Variants in PDE3A observed in about 807,000 individuals in gnomAD.
PDE3A encodes the protein phosphodiesterase 3A.
In PDE3A, 43 loss-of-function variants were observed where a neutral mutation model predicts 98.3. That is an observed-to-expected ratio of 0.44 (90% confidence interval 0.34 to 0.56). The LOEUF (loss-of-function observed/expected upper bound fraction) is 0.56, where lower values mean the gene tolerates loss of function less well. PDE3A is among the 20% of genes least tolerant of loss of function. The probability of loss-of-function intolerance (pLI) is 0.01; values close to 1 mark genes in which losing one functional copy is unlikely to be tolerated. For synonymous variants in PDE3A, 663 were observed against 567.9 expected, an observed-to-expected ratio of 1.17 and a Z score of -2.38; for missense variants, 1,427 against 1,440.7, an observed-to-expected ratio of 0.99 and a Z score of 0.15.
At chr12:20,427,988 G>A (rs1442500901) in intron 1 of PDE3A, among the ~76,000 whole-genome samples, 4 of 151,970 alleles carry the variant, frequency 2.6e-5, no homozygotes, top group South Asian at 2.1e-4. Flanking sequence ...GGCGGATCAC[G>A]AGGTCAGGAG....
At chr12:20,570,952 G>A (rs947586479) in intron 2 of PDE3A, among the ~76,000 whole-genome samples, 10 of 152,230 alleles carry the variant, frequency 6.6e-5, no homozygotes, top group Middle Eastern at 3.4e-3. Context: ...CTTATTAGAC[G>A]TTCTGATGGA....
rs1241873510 is a variant in PDE3A, at chr12:20,475,169, ATGTGTGTGAGTGTG to A, written c.961-81482_961-81469del. Among the ~76,000 whole-genome samples the A allele has an allele frequency of 9.0e-4, 87 of 96,512 alleles. 1 individual carries two copies. Among genetic ancestry groups the A allele is most frequent in the African/African-American group, 2.9e-3 (76 of 26,524 alleles). 63.3% of individuals were successfully genotyped at this position (96,512 alleles called of 152,430 possible). A position where few individuals can be genotyped will look rare whatever the true frequency, so the allele number is the denominator to read the frequency against. On this transcript the variant is annotated intron_variant, in intron 1 of 15. Coordinates refer to ENST00000359062, the MANE Select transcript of PDE3A (RefSeq NM_000921.5). ...TATACCAAATGTAGGAGAGGAAAAA[ATGTGTGTGAGTGTG>A]TGTGTGTGTGTGTGTGTGTGTGTGT...
At chr12:20,586,186 C>G (rs1943192801) in intron 2 of PDE3A, among the ~76,000 whole-genome samples, 1 of 152,104 alleles carries the variant, frequency 6.6e-6, no homozygotes, top group African/African-American at 2.4e-5. Context: ...AAGAAGAAAC[C>G]ACAAAGATTT....
chr12:20,423,925 G>T (rs1210817980), intron 1 of PDE3A, among the ~76,000 whole-genome samples: 1 of 152,172 alleles, frequency 6.6e-6, no homozygotes, highest in Non-Finnish European at 1.5e-5. Context: ...AGAAAGAGCA[G>T]ATAGTGCCTA....
chr12:20,569,726 C>T (rs1249078805), intron 2 of PDE3A, among the ~76,000 whole-genome samples: 2 of 152,064 alleles, frequency 1.3e-5, no homozygotes, highest in Non-Finnish European at 2.9e-5. Flanking sequence ...TAAAATTTTG[C>T]ACTTAAGTTT....
intron 14 of PDE3A, 135 bp downstream of exon 14, chr12:20,650,735 A>G (rs1185077032): frequency 4.3e-6 from 2 of 468,506 alleles, no homozygotes; most frequent in African/African-American, 3.9e-5. Flanking sequence ...GCACTGGTCA[A>G]TTTTGATCAG....
chr12:20,507,677 C>T (rs1301070194), intron 1 of PDE3A, among the ~76,000 whole-genome samples: 3 of 152,092 alleles, frequency 2.0e-5, no homozygotes, highest in African/African-American at 4.8e-5. Flanking sequence ...TCCAACCTTC[C>T]GCTTACTCTG....
chr12:20,369,105 G>A lies in PDE3A; in HGVS notation c.-180G>A. ...TTGGAGCATCTAGCATTCTCCAGGA[G>A]TTATTCGAAAGCTGAAACTTTCAGT... On this transcript the variant is annotated 5_prime_UTR_variant, in exon 1 of 16. Transcript: ENST00000359062. 1.8e-6 allele frequency: 1 copy of A among 555,130 alleles called. No individual in the cohort carries two copies. Among genetic ancestry groups the A allele is most frequent in the Non-Finnish European group, 3.2e-6 (1 of 314,530 alleles). The allele number at this position is 555,130 out of a possible 1,614,324, so 34.4% of individuals were successfully genotyped here. A position where few individuals can be genotyped will look rare whatever the true frequency, so the allele number is the denominator to read the frequency against.
At chr12:20,629,557 A>G (rs1275861504) in intron 5 of PDE3A, among the ~76,000 whole-genome samples, 1 of 152,220 alleles carries the variant, frequency 6.6e-6, no homozygotes, top group Non-Finnish European at 1.5e-5. Flanking sequence ...AAGTAAACAC[A>G]TGAGAAAATT....
At chr12:20,410,933 A>T (rs1348856492) in intron 1 of PDE3A, among the ~76,000 whole-genome samples, 1 of 152,182 alleles carries the variant, frequency 6.6e-6, no homozygotes, top group African/African-American at 2.4e-5. Context: ...GAAACCTATG[A>T]AACATTTCCA....
rs1163596439 is a variant in PDE3A, at chr12:20,687,871, T to G, written c.*7600T>G. On this transcript the variant is annotated 3_prime_UTR_variant, in exon 16 of 16. Coordinates refer to ENST00000359062, the MANE Select transcript of PDE3A (RefSeq NM_000921.5). ...TTTGGTATTAAAATGTGCTCTGATTTCTGCGGGCATTTGTTCTGACCAGTC... is the reference window on the plus strand; with the variant it reads ...TTTGGTATTAAAATGTGCTCTGATTGCTGCGGGCATTTGTTCTGACCAGTC... Among the ~76,000 whole-genome samples the G allele has an allele frequency of 2.1e-5, 3 of 143,500 alleles. No homozygotes were observed. Among genetic ancestry groups the G allele is most frequent in the African/African-American group, 5.1e-5 (2 of 39,002 alleles). 94.1% of individuals were successfully genotyped at this position (143,500 alleles called of 152,430 possible). A position where few individuals can be genotyped will look rare whatever the true frequency, so the allele number is the denominator to read the frequency against.
rs533311220 is a variant in PDE3A, at chr12:20,462,972, G to C, written c.960+92728G>C. Among the ~76,000 whole-genome samples the C allele has an allele frequency of 7.9e-5, 12 of 152,040 alleles. No individual in the cohort carries two copies. In the East Asian group the frequency reaches 2.3e-3, roughly 30 times the overall value. The stretch of plus-strand genomic sequence containing the variant: ...TTTTTTGTAGAGATAGGGTCTCCCT[G>C]TGTTGCCTAGGCTGGTCTCAAACTC... On this transcript the variant is annotated intron_variant, in intron 1 of 15. Transcript: ENST00000359062.
chr12:20,673,631 A>G (rs1448780868), intron 15 of PDE3A, among the ~76,000 whole-genome samples: 1 of 149,382 alleles, frequency 6.7e-6, no homozygotes, highest in African/African-American at 2.5e-5. Flanking sequence ...ATTCTCACTC[A>G]TAGGTGGGAA....
chr12:20,401,142 A>T (rs79051040), intron 1 of PDE3A, among the ~76,000 whole-genome samples: 6,834 of 151,974 alleles, frequency 0.045, 212 homozygotes, highest in Non-Finnish European at 0.063. Context: ...TCCGTTTTCT[A>T]CTCTCACTGT....
At chr12:20,425,942 T>C (rs890432397) in intron 1 of PDE3A, among the ~76,000 whole-genome samples, 1 of 152,204 alleles carries the variant, frequency 6.6e-6, no homozygotes, top group Non-Finnish European at 1.5e-5. Context: ...ATTTGTTAAA[T>C]GTGTATGACA....
rs779657717 is a variant in PDE3A, at chr12:20,369,803, C to A, written c.519C>A (p.Leu173=). The A allele has an allele frequency of 1.2e-6, 2 of 1,612,474 alleles. No individual in the cohort carries two copies. The highest frequency in any genetic ancestry group is 1.1e-5 in the South Asian group (1 of 90,976). The change falls in exon 1 of 16, where the codon CTC becomes CTA. Residue 173 remains leucine (L), a synonymous_variant. Transcript: ENST00000359062. ...CCGCCTGCTGCGGGGGGGAAGCGCT[C>A]GTCCAGATTGGGCTGGGCGTCGGGG... ...LLAACCGGEA[L]VQIGLGVGED... is the part of the protein sequence containing the mutation.
At chr12:20,422,584 A>AT (rs1054794963) in intron 1 of PDE3A, among the ~76,000 whole-genome samples, 56 of 152,284 alleles carry the variant, frequency 3.7e-4, no homozygotes, top group African/African-American at 1.2e-3. Context: ...TTTAGAAAAT[A>AT]TTCTCTATCA....
chr12:20,393,880 A>G (rs1943963230), intron 1 of PDE3A, among the ~76,000 whole-genome samples: 1 of 151,910 alleles, frequency 6.6e-6, no homozygotes, highest in South Asian at 2.1e-4. Context: ...TTCGATTCTG[A>G]TATGTTCTCT....
chr12:20,408,195 A>T (rs955984608), intron 1 of PDE3A, among the ~76,000 whole-genome samples: 1 of 152,182 alleles, frequency 6.6e-6, no homozygotes, highest in East Asian at 1.9e-4. Context: ...TTGGGATTAC[A>T]GGCGTGAGCC....
Sources: gnomAD v4.1 joint callset for allele counts (sites outside exome capture counted in the v4.1 genomes callset) on GRCh38, gnomAD v4.1.1 for gene constraint, MANE v1.5 for transcripts, NCBI Gene and HGNC (gene_info 2026-07-23, HGNC 2026-07-21) for gene names.